Variants in DDX60L observed in about 807,000 individuals in gnomAD.
The protein encoded by DDX60L is DExD/H-box 60 like.
DDX60L carries 191 observed loss-of-function variants against 211.6 expected under a neutral mutation model. The observed-to-expected ratio is 0.90, with a 90% CI of 0.80 to 1.02. The LOEUF is 1.02. DDX60L is among the 50% of genes least tolerant of loss of function. The probability of loss-of-function intolerance (pLI) is 0.00; values close to 1 mark genes in which losing one functional copy is unlikely to be tolerated. For missense variants in DDX60L, 2,007 were observed against 1,984.1 expected (o/e 1.01, Z -0.22); for synonymous variants, 706 against 694.1 (o/e 1.02, Z -0.27).
At chr4:168,415,250 G>A (rs4692660) in intron 22 of DDX60L, among the ~76,000 whole-genome samples, 158 bp downstream of exon 22, 18,361 of 151,598 alleles carry the variant, frequency 0.12, 1,340 homozygotes, top group Admixed American at 0.16. Context: ...AATAAAAAAT[G>A]TATTAAATTT....
At chr4:168,385,076 T>A (rs1411193592) in intron 29 of DDX60L, among the ~76,000 whole-genome samples, 2 of 152,166 alleles carry the variant, frequency 1.3e-5, no homozygotes, top group Non-Finnish European at 2.9e-5. Flanking sequence ...AATATCTGTA[T>A]GTGAATGAGT....
chr4:168,366,602 G>A (rs1409898797), intron 36 of DDX60L, among the ~76,000 whole-genome samples: 1 of 139,114 alleles, frequency 7.2e-6, no homozygotes, highest in East Asian at 2.2e-4. Flanking sequence ...AAATACCAAT[G>A]ACATTTTTTA....
Position 168,412,995 on chromosome 4 carries a change from G to A in DDX60L, c.2979+2413C>T, listed in dbSNP as rs545732824. Among the ~76,000 whole-genome samples the A allele has an allele frequency of 7.9e-5, 12 of 152,322 alleles. No homozygotes were observed. In the East Asian group the frequency reaches 2.3e-3, roughly 29 times the overall value. On this transcript the variant is annotated intron_variant, in intron 22 of 37. Coordinates refer to ENST00000682922, the MANE Select transcript of DDX60L (RefSeq NM_001012967.3). ...GGGGTGCCCCCCAGTGCAGATAATG[G>A]CTGCAGTGACCAAAATCTTAGATCA...
intron 29 of DDX60L, chr4:168,390,671 G>A: frequency 2.5e-6 from 1 of 405,250 alleles, no homozygotes; most frequent in Non-Finnish European, 4.2e-6. Context: ...GAGAGGAGGT[G>A]ATTTTTCTTC....
chr4:168,459,758 G>GGGAAGAAAGGAAGGAGGGAAGGAAGGAA (rs2150090595), intron 5 of DDX60L, among the ~76,000 whole-genome samples: 1 of 42,776 alleles, frequency 2.3e-5, no homozygotes, highest in African/African-American at 7.8e-5. Context: ...ACCAAAGGGA[G>GGGAAGAAAGGAAGGAGGGAAGGAAGGAA]GGAAGGAAGG....
At chr4:168,417,757 T>G (rs1749811359) in intron 19 of DDX60L, among the ~76,000 whole-genome samples, 1 of 152,194 alleles carries the variant, frequency 6.6e-6, no homozygotes, top group African/African-American at 2.4e-5. Context: ...TCAATCCTCT[T>G]TGGTTCAATA....
At chr4:168,377,228 G>A (rs1014120676) in intron 33 of DDX60L, among the ~76,000 whole-genome samples, 2 of 152,070 alleles carry the variant, frequency 1.3e-5, no homozygotes, top group Admixed American at 1.3e-4. Flanking sequence ...GGAGGTGGAA[G>A]TTGCAGTGAG....
intron 35 of DDX60L, among the ~76,000 whole-genome samples, chr4:168,372,720 C>T (rs897492792): frequency 6.7e-6 from 1 of 149,220 alleles, no homozygotes; most frequent in South Asian, 2.2e-4. Flanking sequence ...GAGTGAGACC[C>T]TGTCACAAAT....
intron 12 of DDX60L, among the ~76,000 whole-genome samples, chr4:168,431,928 A>T (rs1752421257): frequency 6.6e-6 from 1 of 152,184 alleles, no homozygotes; most frequent in Admixed American, 6.5e-5. Flanking sequence ...ACTTGGCAGC[A>T]TGCAATCAAC....
At chr4:168,372,774 G>A (rs1233065087) in intron 35 of DDX60L, among the ~76,000 whole-genome samples, 1 of 151,718 alleles carries the variant, frequency 6.6e-6, no homozygotes, top group Non-Finnish European at 1.5e-5. Flanking sequence ...GGGGAGGGGA[G>A]GGAAGGGAAG....
rs188467574 is a variant in DDX60L at position 168,361,028 on chromosome 4, G to A, written c.4991+121C>T. On this transcript the variant is annotated intron_variant, in intron 37 of 37. Coordinates refer to ENST00000682922, the MANE Select transcript of DDX60L (RefSeq NM_001012967.3). Reference sequence around the variant, plus strand: ...AGCTGAATTGTAGAGAACCTGGGAGGCTCAATAGTATCTTCAGAGTGCTCC... The same window carrying A: ...AGCTGAATTGTAGAGAACCTGGGAGACTCAATAGTATCTTCAGAGTGCTCC... The A allele has an allele frequency of 2.7e-4, 193 of 725,022 alleles. 1 individual carries two copies. The highest frequency in any genetic ancestry group is 9.3e-4 in the South Asian group (52 of 56,146). 44.9% of individuals were successfully genotyped at this position (725,022 alleles called of 1,614,324 possible).
intron 26 of DDX60L, among the ~76,000 whole-genome samples, chr4:168,399,056 G>A (rs368047275): frequency 1.8e-4 from 27 of 152,344 alleles, no homozygotes; most frequent in East Asian, 9.6e-4. Context: ...TCTCCTCTGA[G>A]CTGTTCCATT....
intron 28 of DDX60L, among the ~76,000 whole-genome samples, chr4:168,393,761 GTCTT>G (rs1745267846): frequency 6.6e-6 from 1 of 152,142 alleles, no homozygotes; most frequent in Admixed American, 6.5e-5. Flanking sequence ...AAAAAGAAAT[GTCTT>G]TCTCTTAGCT....
At chr4:168,388,314 G>A (rs904358529) in intron 29 of DDX60L, among the ~76,000 whole-genome samples, 7 of 152,206 alleles carry the variant, frequency 4.6e-5, no homozygotes, top group African/African-American at 1.7e-4. Flanking sequence ...GAGGAAGAAG[G>A]AGAGCAAATG....
chr4:168,472,538 G>C lies in DDX60L; in HGVS notation c.5-14C>G, dbSNP rs1758935971. 1 of 1,578,274 alleles carries C rather than the reference G, an allele frequency of 6.3e-7. No homozygotes were observed. Among genetic ancestry groups the C allele is most frequent in the Non-Finnish European group, 8.6e-7 (1 of 1,159,970 alleles). On this transcript the variant is annotated splice_polypyrimidine_tract_variant and intron_variant, in intron 2 of 37. Coordinates refer to ENST00000682922, the MANE Select transcript of DDX60L (RefSeq NM_001012967.3). ...GATCCTTTGACCCTAAAAATAAGGA[G>C]ATTTTTTGAGCCATCAATATTTTTA...
Position 168,395,776 on chromosome 4 carries a change from T to A in DDX60L, c.3657+183A>T, listed in dbSNP as rs945508919. 1.3e-5 allele frequency: 7 copies of A among 535,706 alleles called. No homozygotes were observed. The African/African-American group carries it at 1.4e-4, about 11-fold the overall frequency. 33.2% of individuals were successfully genotyped at this position (535,706 alleles called of 1,614,324 possible). ...GACATTCACACTGAGCAAGGAAGAGTCACTTATAGAACTTTAGCACATTAA... is the reference window on the plus strand; with the variant it reads ...GACATTCACACTGAGCAAGGAAGAGACACTTATAGAACTTTAGCACATTAA... On this transcript the variant is annotated intron_variant, in intron 27 of 37. Transcript: ENST00000682922.
chr4:168,470,729 A>G, intron 4 of DDX60L: 1 of 165,284 alleles, frequency 6.1e-6, no homozygotes, highest in Non-Finnish European at 1.4e-5. Context: ...AATCCCAGCT[A>G]CTTGGGAGGC....
rs762408587 is a variant in DDX60L, at chr4:168,375,467, C to T, written c.4543G>A (p.Ala1515Thr). 1.9e-6 allele frequency: 3 copies of T among 1,612,934 alleles called. No individual in the cohort carries two copies. Among genetic ancestry groups the T allele is most frequent in the Admixed American group, 1.7e-5 (1 of 59,846 alleles). ...AAGGAGGCAAAATCCTTCATTACTG[C>T]CAGGTTATACTCATATAAAGCAGCT... ...FKAALYEYNL[A>T]VMKDFASFLL... The change falls in exon 34 of 38, where the codon GCA becomes ACA. Residue 1515 changes from alanine (A) to threonine (T), a missense_variant. Transcript: ENST00000682922.
At position 168,427,197 on chromosome 4, in the gene DDX60L, T is replaced by C; in HGVS notation, c.1803A>G (p.Leu601=). The C allele has an allele frequency of 6.2e-7, 1 of 1,613,312 alleles. No individual in the cohort carries two copies. Among genetic ancestry groups the C allele is most frequent in the Middle Eastern group, 1.7e-4 (1 of 6,060 alleles). ...FSIEEEMKNN[L]HSGIRKLEDY... The stretch of plus-strand genomic sequence containing the variant: ...CTTCCAATTTCCTTATTCCAGAATG[T>C]AAATTGTTCTTCATCTCCTCTTCAA... The change falls in exon 14 of 38, where the codon TTA becomes TTG. Residue 601 remains leucine (L), a synonymous_variant. Coordinates refer to ENST00000682922, the MANE Select transcript of DDX60L (RefSeq NM_001012967.3).
Sources: gnomAD v4.1 joint callset for allele counts (sites outside exome capture counted in the v4.1 genomes callset) on GRCh38, gnomAD v4.1.1 for gene constraint, MANE v1.5 for transcripts, NCBI Gene and HGNC (gene_info 2026-07-23, HGNC 2026-07-21) for gene names.